Variants in PCDH9 observed in about 807,000 individuals in gnomAD.
The protein encoded by PCDH9 is protocadherin 9.
In PCDH9, 24 loss-of-function variants were observed where a neutral mutation model predicts 70.6. The observed-to-expected ratio is 0.34, with a 90% CI of 0.25 to 0.48. The LOEUF is 0.48. PCDH9 is among the 20% of genes least tolerant of loss of function. PCDH9 has a pLI of 0.99. For synonymous variants in PCDH9, 562 were observed against 558.5 expected (o/e 1.01, Z -0.09); for missense variants, 1,281 against 1,503.6 (o/e 0.85, Z 2.45).
rs559118014 is a variant in PCDH9, at chr13:66,661,526, G to GT, written c.3139-30116dup. 3.2e-3 allele frequency among the ~76,000 whole-genome samples: 494 copies of GT among 152,196 alleles called. 1 individual carries two copies. Among genetic ancestry groups the GT allele is most frequent in the African/African-American group, 0.011 (473 of 41,534 alleles). ...CTTTACCACTGAGAGGTCCCCTGAGGTATGCCCTTGTTTATCTGGATTATA... is the reference window on the plus strand; with the variant it reads ...CTTTACCACTGAGAGGTCCCCTGAGGTTATGCCCTTGTTTATCTGGATTATA... On this transcript the variant is annotated intron_variant, in intron 3 of 4. Coordinates refer to ENST00000377865, the MANE Select transcript of PCDH9 (RefSeq NM_203487.3).
intron 2 of PCDH9, among the ~76,000 whole-genome samples, chr13:66,958,592 A>C (rs1026662427): frequency 2.0e-5 from 3 of 152,210 alleles, no homozygotes; most frequent in Non-Finnish European, 4.4e-5. Context: ...TTACCAAAAA[A>C]AATCCTTCCA....
chr13:66,892,234 G>A (rs1161725934), intron 3 of PCDH9, among the ~76,000 whole-genome samples: 1 of 137,774 alleles, frequency 7.3e-6, no homozygotes, highest in Non-Finnish European at 1.5e-5. Context: ...TATATATAAT[G>A]TGTGTGTGTA....
intron 3 of PCDH9, among the ~76,000 whole-genome samples, chr13:66,795,901 G>A (rs563356462): frequency 6.6e-6 from 1 of 152,122 alleles, no homozygotes; most frequent in East Asian, 1.9e-4. Context: ...GTGCTCACTC[G>A]CTCATGGCTT....
chr13:66,522,175 C>G (rs1323597429), intron 4 of PCDH9, among the ~76,000 whole-genome samples: 1 of 150,898 alleles, frequency 6.6e-6, no homozygotes, highest in Admixed American at 6.6e-5. Flanking sequence ...TGTAGAAAAC[C>G]CTTCCATAGC....
At chr13:66,732,614 T>C (rs1186142353) in intron 3 of PCDH9, among the ~76,000 whole-genome samples, 1 of 152,082 alleles carries the variant, frequency 6.6e-6, no homozygotes, top group Non-Finnish European at 1.5e-5. Context: ...AGTACTTTCA[T>C]TGGCTTGTTT....
intron 4 of PCDH9, chr13:66,306,456 G>T (rs564292755): frequency 7.3e-5 from 11 of 150,246 alleles, no homozygotes; most frequent in Non-Finnish European, 1.5e-4. Flanking sequence ...CTTGGGTGAT[G>T]GGTGCACTAA....
At chr13:66,570,226 C>G (rs1319099213) in intron 4 of PCDH9, among the ~76,000 whole-genome samples, 1 of 151,986 alleles carries the variant, frequency 6.6e-6, no homozygotes, top group Non-Finnish European at 1.5e-5. Flanking sequence ...AAATGGAGGA[C>G]AGATTATGGT....
At chr13:66,829,579 T>C (rs1310142060) in intron 3 of PCDH9, among the ~76,000 whole-genome samples, 1 of 151,894 alleles carries the variant, frequency 6.6e-6, no homozygotes, top group Non-Finnish European at 1.5e-5. Context: ...TATAAATTAT[T>C]TCTCAATCAA....
chr13:66,737,993 C>G (rs956487975), intron 3 of PCDH9, among the ~76,000 whole-genome samples: 20 of 152,290 alleles, frequency 1.3e-4, no homozygotes, highest in African/African-American at 4.8e-4. Context: ...TGGAGCCCAC[C>G]ACAGCTCAAG....
At chr13:66,558,003 A>C (rs902341541) in intron 4 of PCDH9, among the ~76,000 whole-genome samples, 4 of 152,088 alleles carry the variant, frequency 2.6e-5, no homozygotes, top group Non-Finnish European at 5.9e-5. Flanking sequence ...AAATACTTAA[A>C]AAATTACCAG....
At chr13:67,133,461 T>C (rs570360394) in intron 2 of PCDH9, among the ~76,000 whole-genome samples, 13 of 152,262 alleles carry the variant, frequency 8.5e-5, no homozygotes, top group African/African-American at 3.1e-4. Flanking sequence ...GAATTGGAAT[T>C]CCTACTTTGC....
intron 2 of PCDH9, among the ~76,000 whole-genome samples, chr13:67,117,047 TTAGAA>T (rs1413980773): frequency 1.3e-5 from 2 of 152,150 alleles, no homozygotes; most frequent in Non-Finnish European, 2.9e-5. Flanking sequence ...GGATATATTC[TTAGAA>T]TAGATCCAAT....
At chr13:66,666,388 C>T (rs1209639476) in intron 3 of PCDH9, among the ~76,000 whole-genome samples, 2 of 151,934 alleles carry the variant, frequency 1.3e-5, no homozygotes, top group African/African-American at 4.8e-5. Context: ...ATTTGCTCCT[C>T]ATGCCACAGA....
intron 3 of PCDH9, among the ~76,000 whole-genome samples, chr13:66,874,417 G>A (rs1246452446): frequency 6.6e-6 from 1 of 151,998 alleles, no homozygotes; most frequent in Non-Finnish European, 1.5e-5. Flanking sequence ...TTTTTACCCT[G>A]ATTCTGTCAT....
chr13:66,973,187 C>T (rs1328804813), intron 2 of PCDH9, among the ~76,000 whole-genome samples: 2 of 151,908 alleles, frequency 1.3e-5, no homozygotes, highest in Admixed American at 1.3e-4. Context: ...TGTGGCTTCC[C>T]TAGAACATTG....
chr13:66,485,287 T>G (rs1239417762), intron 4 of PCDH9, among the ~76,000 whole-genome samples: 6 of 152,232 alleles, frequency 3.9e-5, no homozygotes, highest in Non-Finnish European at 8.8e-5. Flanking sequence ...AGTCTTTTCA[T>G]GTACTAATTG....
chr13:66,884,946 G>A (rs1185866853), intron 3 of PCDH9, among the ~76,000 whole-genome samples: 2 of 152,048 alleles, frequency 1.3e-5, no homozygotes, highest in Non-Finnish European at 2.9e-5. Flanking sequence ...TTTACTGCCT[G>A]AATATTATTT....
chr13:66,945,504 T>TC (rs1301990476), intron 2 of PCDH9, among the ~76,000 whole-genome samples: 1 of 152,212 alleles, frequency 6.6e-6, no homozygotes, highest in Non-Finnish European at 1.5e-5. Flanking sequence ...ATACTGTTAC[T>TC]TACTTTTTCA....
At chr13:66,920,637 CA>C (rs934903764) in intron 2 of PCDH9, among the ~76,000 whole-genome samples, 2 of 151,138 alleles carry the variant, frequency 1.3e-5, no homozygotes, top group Non-Finnish European at 3.0e-5. Flanking sequence ...GAGGCAAAAA[CA>C]AACACAAAAC....
Sources: allele counts gnomAD v4.1 joint callset (sites outside exome capture counted in the v4.1 genomes callset), GRCh38; gene constraint gnomAD v4.1.1; transcripts MANE v1.5; gene names NCBI Gene and HGNC (gene_info 2026-07-23, HGNC 2026-07-21).